The following SPOCK3 variants were observed in gnomAD, a reference collection of about 807,000 sequenced individuals.
SPOCK3 encodes testican-3.
SPOCK3 carries 30 observed loss-of-function variants against 56.6 expected under a neutral mutation model. That is an observed-to-expected ratio of 0.53 (90% CI 0.40 to 0.72). SPOCK3 has a LOEUF of 0.72. Ranked by LOEUF, SPOCK3 falls within the 30% of genes least tolerant of loss-of-function variation. The pLI is 0.00. For synonymous variants in SPOCK3, 196 were observed against 183.3 expected (o/e 1.07, Z -0.56); for missense variants, 527 against 530.0 (o/e 0.99, Z 0.06).
chr4:167,234,126 G>A lies in SPOCK3; in HGVS notation c.48C>T (p.Cys16=), dbSNP rs892890352. 3 of 1,613,608 alleles carry A rather than the reference G, an allele frequency of 1.9e-6. No homozygotes were observed. In the African/African-American group the frequency reaches 4.0e-5, roughly 22 times the overall value. Residue 16 remains cysteine, a synonymous_variant, in exon 2 of 11, where the codon TGC becomes TGT. Transcript: ENST00000357545. The stretch of plus-strand genomic sequence containing the variant: ...CCGCGGCAGCTGCGAGAGACTGACT[G>A]CACCAAGCGGCTGCACACACACACA... The part of the protein sequence containing the change: ...AVLCVCAAAW[C]SQSLAAAAAV...
chr4:166,905,483 CTTAA>C (rs1250619047), intron 5 of SPOCK3, among the ~76,000 whole-genome samples: 1 of 151,898 alleles, frequency 6.6e-6, no homozygotes, highest in Non-Finnish European at 1.5e-5. Flanking sequence ...CTACAGAAAA[CTTAA>C]TTAACACGGG....
At chr4:166,798,249 CTG>C (rs1448093255) in intron 6 of SPOCK3, among the ~76,000 whole-genome samples, 2 of 152,140 alleles carry the variant, frequency 1.3e-5, no homozygotes, top group African/African-American at 4.8e-5. Flanking sequence ...AGACAGTATG[CTG>C]TGTTAAGCCC....
intron 2 of SPOCK3, among the ~76,000 whole-genome samples, chr4:167,134,628 T>C (rs1015871674): frequency 6.6e-6 from 1 of 152,190 alleles, no homozygotes; most frequent in Non-Finnish European, 1.5e-5. Flanking sequence ...GTTTAATTTA[T>C]GCATCACAAA....
intron 2 of SPOCK3, among the ~76,000 whole-genome samples, chr4:167,097,879 A>G (rs1484164019): frequency 1.3e-5 from 2 of 152,016 alleles, no homozygotes; most frequent in Non-Finnish European, 2.9e-5. Flanking sequence ...AAAGAATCAA[A>G]TCATGTCATT....
At chr4:167,146,667 C>A (rs931878159) in intron 2 of SPOCK3, among the ~76,000 whole-genome samples, 4 of 152,142 alleles carry the variant, frequency 2.6e-5, no homozygotes, top group Non-Finnish European at 5.9e-5. Context: ...TCACTCAAAA[C>A]TGCACAAACA....
chr4:166,818,547 T>C (rs1270699890), intron 6 of SPOCK3, among the ~76,000 whole-genome samples: 1 of 152,048 alleles, frequency 6.6e-6, no homozygotes, highest in Non-Finnish European at 1.5e-5. Flanking sequence ...AATTACTAGC[T>C]ATACTTGCTT....
intron 2 of SPOCK3, among the ~76,000 whole-genome samples, chr4:167,157,918 A>G (rs1764954008): frequency 6.6e-6 from 1 of 152,042 alleles, no homozygotes. Flanking sequence ...AACGAGCCCT[A>G]TATGCAAGTC....
At chr4:166,783,029 G>A (rs943778057) in intron 7 of SPOCK3, among the ~76,000 whole-genome samples, 9 of 152,144 alleles carry the variant, frequency 5.9e-5, no homozygotes, top group Non-Finnish European at 1.3e-4. Flanking sequence ...GCTAAAAATA[G>A]GTCTGTTTCT....
intron 2 of SPOCK3, among the ~76,000 whole-genome samples, chr4:167,136,901 T>G (rs1763164813): frequency 6.6e-6 from 1 of 152,028 alleles, no homozygotes; most frequent in Non-Finnish European, 1.5e-5. Context: ...AGAAGATGGC[T>G]TAGTGAGTGG....
intron 2 of SPOCK3, among the ~76,000 whole-genome samples, chr4:167,232,944 A>G (rs1316649890): frequency 6.6e-6 from 1 of 152,048 alleles, no homozygotes; most frequent in African/African-American, 2.4e-5. Flanking sequence ...AAAGAAGTTA[A>G]CTCATCTCCA....
chr4:166,927,971 T>C (rs1294360007), intron 4 of SPOCK3, among the ~76,000 whole-genome samples: 4 of 152,102 alleles, frequency 2.6e-5, no homozygotes, highest in African/African-American at 4.8e-5. Context: ...AATAAGCACA[T>C]TGAAAGTTGA....
At chr4:167,232,958 A>G (rs1240147157) in intron 2 of SPOCK3, among the ~76,000 whole-genome samples, 1 of 152,154 alleles carries the variant, frequency 6.6e-6, no homozygotes, top group African/African-American at 2.4e-5. Context: ...ATCTCCACGT[A>G]GTGCACTGCA....
chr4:167,100,669 A>G (rs191912376), intron 2 of SPOCK3, among the ~76,000 whole-genome samples: 4 of 152,288 alleles, frequency 2.6e-5, no homozygotes, highest in Admixed American at 2.6e-4. Context: ...AAAATATTAA[A>G]ATATTCTTAA....
rs551315209 is a variant in SPOCK3, at chr4:166,879,110, A to T, written c.589+10020T>A. On this transcript the variant is annotated intron_variant, in intron 6 of 10. Coordinates refer to ENST00000357545, the MANE Select transcript of SPOCK3 (RefSeq NM_001040159.2). ...TAAAATCAGCCTGTTAATTAAAAAA[A>T]ATATATATGCAGAGTGTAGATGGAG... Among the ~76,000 whole-genome samples the T allele has an allele frequency of 4.6e-5, 7 of 152,306 alleles. No homozygotes were observed. The South Asian group carries it at 1.0e-3, about 23-fold the overall frequency.
chr4:166,875,226 T>C (rs1369138972), intron 6 of SPOCK3, among the ~76,000 whole-genome samples: 1 of 152,182 alleles, frequency 6.6e-6, no homozygotes, highest in Non-Finnish European at 1.5e-5. Flanking sequence ...CTATGTATTA[T>C]TAAAATATTT....
At chr4:167,156,794 T>G (rs895890649) in intron 2 of SPOCK3, among the ~76,000 whole-genome samples, 1 of 152,034 alleles carries the variant, frequency 6.6e-6, no homozygotes, top group Admixed American at 6.6e-5. Flanking sequence ...CCAAAACATC[T>G]GGAGCTGAAA....
Position 166,861,740 on chromosome 4 carries a change from C to T in SPOCK3, c.589+27390G>A, listed in dbSNP as rs28520237. On this transcript the variant is annotated intron_variant, in intron 6 of 10. Coordinates refer to ENST00000357545, the MANE Select transcript of SPOCK3 (RefSeq NM_001040159.2). ...TCCTAAGAGCCTGATTAGACATTTC[C>T]TTTTCTGATTGGACATTTTAACTGC... Among the ~76,000 whole-genome samples, 858 of 152,176 alleles carry T rather than the reference C, an allele frequency of 5.6e-3. 11 individuals are homozygous for T. Among genetic ancestry groups the T allele is most frequent in the African/African-American group, 0.02 (826 of 41,550 alleles).
intron 4 of SPOCK3, among the ~76,000 whole-genome samples, chr4:166,922,597 G>A (rs76742727): frequency 0.031 from 4,735 of 152,076 alleles, 244 homozygotes; most frequent in African/African-American, 0.11. Flanking sequence ...ATTAGGAGAC[G>A]TATCTGCGCC....
At chr4:166,843,582 G>C (rs148114905) in intron 6 of SPOCK3, among the ~76,000 whole-genome samples, 10 of 152,240 alleles carry the variant, frequency 6.6e-5, no homozygotes, top group Non-Finnish European at 1.3e-4. Context: ...AATAAATTCT[G>C]CCAACCATCT....
Sources: gnomAD v4.1 joint callset for allele counts (sites outside exome capture counted in the v4.1 genomes callset) on GRCh38, gnomAD v4.1.1 for gene constraint, MANE v1.5 for transcripts, NCBI Gene and HGNC (gene_info 2026-07-23, HGNC 2026-07-21) for gene names.